The following SLITRK6 variants were observed in gnomAD, a reference collection of about 807,000 sequenced individuals.
SLITRK6 encodes SLIT and NTRK like family member 6.
In SLITRK6, 35 loss-of-function variants were observed where a neutral mutation model predicts 55.6. That is an observed-to-expected ratio of 0.63 (90% confidence interval 0.48 to 0.83). The LOEUF (loss-of-function observed/expected upper bound fraction) is 0.83, where lower values mean the gene tolerates loss of function less well. Among genes scored for constraint, SLITRK6 ranks in the 40% least tolerant of loss-of-function variants. The probability of loss-of-function intolerance (pLI) is 0.00; values close to 1 mark genes in which losing one functional copy is unlikely to be tolerated. For missense variants in SLITRK6, 977 were observed against 986.4 expected, an observed-to-expected ratio of 0.99 and a Z score of 0.13; for synonymous variants, 392 against 359.6, an observed-to-expected ratio of 1.09 and a Z score of -1.02.
At position 85,796,416 on chromosome 13, in the gene SLITRK6, A is replaced by C; in HGVS notation, c.93T>G (p.Cys31Trp). 6.2e-7 allele frequency: 1 copy of C among 1,612,238 alleles called. No individual in the cohort carries two copies. Among genetic ancestry groups the C allele is most frequent in the Non-Finnish European group, 8.5e-7 (1 of 1,179,070 alleles). ...TTTCCTCACAATTGCAAAGAGAATC[A>C]CAAGAGCCTCTGGATGAGAGCACTG... Reference protein sequence around the residue: ...QTPVLSSRGSCDSLCNCEEKD... With the variant: ...QTPVLSSRGSWDSLCNCEEKD... The change falls in exon 2 of 2, where the codon TGT becomes TGG. Residue 31 changes from cysteine (C) to tryptophan (W), a missense_variant. Cys to Trp is a radical substitution (Grantham distance 215). Transcript: ENST00000647374.
rs1157283594 is a variant in SLITRK6, at chr13:85,794,650, G to A, written c.1859C>T (p.Thr620Ile). The stretch of plus-strand genomic sequence containing the variant: ...TATCCCTGCAGCACAGAAAACAATA[G>A]TGATGAACATAATCAGAAGTCCCAA... ...LILGLLIMFI[T>I]IVFCAAGIVV... Residue 620 changes from threonine to isoleucine, a missense_variant, in exon 2 of 2, where the codon ACT (threonine) becomes ATT (isoleucine). Transcript: ENST00000647374. The A allele has an allele frequency of 1.9e-6, 3 of 1,613,198 alleles. No individual in the cohort carries two copies. The highest frequency in any genetic ancestry group is 2.5e-6 in the Non-Finnish European group (3 of 1,179,562).
rs1205534697 is a variant in SLITRK6 at position 85,796,469 on chromosome 13, C to A, written c.40G>T (p.Ala14Ser). The change falls in exon 2 of 2, where the codon GCC (alanine) becomes TCC (serine). Residue 14 changes from alanine (A) to serine (S), a missense_variant. Coordinates refer to ENST00000647374, the MANE Select transcript of SLITRK6 (RefSeq NM_032229.3). ...WIHLFYSSLL[A>S]CISLHSQTPV... Reference sequence around the variant, plus strand: ...GTTTGGGAGTGTAAAGATATACAGGCAAGGAGAGATGAATAAAAGAGATGA... The same window carrying A: ...GTTTGGGAGTGTAAAGATATACAGGAAAGGAGAGATGAATAAAAGAGATGA... 1 of 1,575,022 alleles carries A rather than the reference C, an allele frequency of 6.3e-7. No individual in the cohort carries two copies. The highest frequency in any genetic ancestry group is 8.6e-7 in the Non-Finnish European group (1 of 1,166,010).
chr13:85,794,755 G>T lies in SLITRK6; in HGVS notation c.1754C>A (p.Thr585Asn). ...MPTQTSYLMV[T>N]TPATTTNTAD... ...CGTATTTGTTGTTGTTGCAGGAGTG[G>T]TGACCATAAGGTAACTAGTCTGTGT... Residue 585 changes from threonine (T) to asparagine (N), a missense_variant, in exon 2 of 2, where the codon ACC becomes AAC. Physicochemically the swap from Thr to Asn is moderately conservative, Grantham distance 65 (BLOSUM62 0). Coordinates refer to ENST00000647374, the MANE Select transcript of SLITRK6 (RefSeq NM_032229.3). 6.2e-7 allele frequency: 1 copy of T among 1,613,224 alleles called. No homozygotes were observed. The highest frequency in any genetic ancestry group is 1.3e-5 in the African/African-American group (1 of 74,948).
chr13:85,797,523 G>A (rs35363918), intron 1 of SLITRK6, among the ~76,000 whole-genome samples: 1,928 of 151,796 alleles, frequency 0.013, 18 homozygotes, highest in Admixed American at 0.023. Flanking sequence ...TCCTAATGAG[G>A]TCTTGAAACA....
rs1472169685 is a variant in SLITRK6 at position 85,799,263 on chromosome 13, G to T, written c.-374C>A. The stretch of plus-strand genomic sequence containing the variant: ...GCTGCTGAATGCAGTAAGTAAACAA[G>T]ATGTTTAACAGAGCTGAGATTGATC... On this transcript the variant is annotated 5_prime_UTR_variant, in exon 1 of 2. Coordinates refer to ENST00000647374, the MANE Select transcript of SLITRK6 (RefSeq NM_032229.3). 1 of 152,022 alleles carries T rather than the reference G, an allele frequency of 6.6e-6. No individual in the cohort carries two copies. The highest frequency in any genetic ancestry group is 1.5e-5 in the Non-Finnish European group (1 of 68,018). 9.4% of individuals were successfully genotyped at this position (152,022 alleles called of 1,614,324 possible).
chr13:85,796,715 G>C (rs962139088), intron 1 of SLITRK6, among the ~76,000 whole-genome samples, 183 bp from the exon 2 acceptor site: 4 of 148,604 alleles, frequency 2.7e-5, no homozygotes, highest in Non-Finnish European at 5.9e-5. Flanking sequence ...TACTCAGACA[G>C]GCAAGTCTGG....
In SLITRK6 at chr13:85,793,207, CAAG is replaced by C. The variant is rs1217860642; in HGVS notation, c.*773_*775del. ...TCTCAGTAGCATTTTTAAAATATCC[CAAG>C]AAGAAGAATTAAACTTTGAGCATAA... On this transcript the variant is annotated 3_prime_UTR_variant, in exon 2 of 2. Transcript: ENST00000647374. 6.6e-5 allele frequency: 10 copies of C among 151,744 alleles called. No individual in the cohort carries two copies. The East Asian group carries it at 7.8e-4, about 12-fold the overall frequency. 9.4% of individuals were successfully genotyped at this position (151,744 alleles called of 1,614,324 possible). A position where few individuals can be genotyped will look rare whatever the true frequency, so the allele number is the denominator to read the frequency against.
At chr13:85,797,547 G>C (rs1036240409) in intron 1 of SLITRK6, among the ~76,000 whole-genome samples, 1 of 151,592 alleles carries the variant, frequency 6.6e-6, no homozygotes, top group Non-Finnish European at 1.5e-5. Context: ...TTTAGGGCAC[G>C]GAATGTCATC....
chr13:85,795,950 G>A lies in SLITRK6; in HGVS notation c.559C>T (p.His187Tyr). The stretch of plus-strand genomic sequence containing the variant: ...AATTGATTTCCACGAAGATCTAGAT[G>A]GGTTAAAGGAACAAATCGGAAGATG... The part of the protein sequence containing the change: ...PNIFRFVPLT[H>Y]LDLRGNQLQT... Residue 187 changes from histidine to tyrosine, a missense_variant, in exon 2 of 2, where the codon CAT (histidine) becomes TAT (tyrosine). Coordinates refer to ENST00000647374, the MANE Select transcript of SLITRK6 (RefSeq NM_032229.3). 1.9e-6 allele frequency: 3 copies of A among 1,612,902 alleles called. No homozygotes were observed. In the Admixed American group the frequency reaches 5.0e-5, roughly 27 times the overall value.
At position 85,796,137 on chromosome 13, in the gene SLITRK6, T is replaced by G. The variant is rs1427111651; in HGVS notation, c.372A>C (p.Leu124Phe). The change falls in exon 2 of 2, where the codon TTA becomes TTC. Residue 124 changes from leucine (L) to phenylalanine (F), a missense_variant. Leu to Phe is a conservative substitution (Grantham distance 22). Transcript: ENST00000647374. ...GGAAAGTATCCTCTTTAAGAATTTC[T>G]AAAGAATTGTGATTGATATGAAGTT... is the stretch of plus-strand genomic sequence containing the variant. ...LKQLHINHNS[L>F]EILKEDTFHG... 6.2e-7 allele frequency: 1 copy of G among 1,612,320 alleles called. No homozygotes were observed. Among genetic ancestry groups the G allele is most frequent in the Admixed American group, 1.7e-5 (1 of 59,692 alleles).
intron 1 of SLITRK6, among the ~76,000 whole-genome samples, chr13:85,797,942 T>C (rs1230835057): frequency 6.6e-6 from 1 of 151,908 alleles, no homozygotes; most frequent in Non-Finnish European, 1.5e-5. Context: ...GTTTGAAATA[T>C]GAACAGTAAC....
Position 85,794,266 on chromosome 13 carries a change from G to C in SLITRK6, c.2243C>G (p.Ser748Cys). Reference sequence around the variant, plus strand: ...GTACAATGAGCTGGCATCTTGGAAGGATAAAAATTCTGTTGATTGGTTCGT... The same window carrying C: ...GTACAATGAGCTGGCATCTTGGAAGCATAAAAATTCTGTTGATTGGTTCGT... ...KTTNQSTEFLSFQDASSLYRN... is the reference protein window; with the variant it reads ...KTTNQSTEFLCFQDASSLYRN... The change falls in exon 2 of 2, where the codon TCC becomes TGC. Residue 748 changes from serine (S) to cysteine (C), a missense_variant. Transcript: ENST00000647374. The C allele has an allele frequency of 6.2e-7, 1 of 1,613,364 alleles. No individual in the cohort carries two copies. Among genetic ancestry groups the C allele is most frequent in the Non-Finnish European group, 8.5e-7 (1 of 1,179,574 alleles).
chr13:85,793,864 A>G lies in SLITRK6; in HGVS notation c.*119T>C, dbSNP rs1874614823. The G allele has an allele frequency of 9.5e-6, 11 of 1,157,530 alleles. No individual in the cohort carries two copies. The highest frequency in any genetic ancestry group is 2.8e-5 in the Admixed American group (1 of 35,520). 71.7% of individuals were successfully genotyped at this position (1,157,530 alleles called of 1,614,324 possible). A position where few individuals can be genotyped will look rare whatever the true frequency, so the allele number is the denominator to read the frequency against. ...TTTTTCTTCTTCTTTTTTTTTCCCCATAGTTTACTGCTGTGCTTAGGTTCT... is the reference window on the plus strand; with the variant it reads ...TTTTTCTTCTTCTTTTTTTTTCCCCGTAGTTTACTGCTGTGCTTAGGTTCT... On this transcript the variant is annotated 3_prime_UTR_variant, in exon 2 of 2. Coordinates refer to ENST00000647374, the MANE Select transcript of SLITRK6 (RefSeq NM_032229.3).
intron 1 of SLITRK6, among the ~76,000 whole-genome samples, chr13:85,797,559 C>A (rs1393520537): frequency 6.6e-6 from 1 of 151,708 alleles, no homozygotes; most frequent in Non-Finnish European, 1.5e-5. Flanking sequence ...AATGTCATCA[C>A]ATAATTAAGC....
chr13:85,793,217 A>G lies in SLITRK6; in HGVS notation c.*766T>C, dbSNP rs989925886. 2.0e-5 allele frequency: 3 copies of G among 151,840 alleles called. No individual in the cohort carries two copies. Among genetic ancestry groups the G allele is most frequent in the African/African-American group, 7.2e-5 (3 of 41,418 alleles). 9.4% of individuals were successfully genotyped at this position (151,840 alleles called of 1,614,324 possible). A position where few individuals can be genotyped will look rare whatever the true frequency, so the allele number is the denominator to read the frequency against. ...ATTTTTAAAATATCCCAAGAAGAAG[A>G]ATTAAACTTTGAGCATAAATGACAT... On this transcript the variant is annotated 3_prime_UTR_variant, in exon 2 of 2. Coordinates refer to ENST00000647374, the MANE Select transcript of SLITRK6 (RefSeq NM_032229.3).
chr13:85,793,895 A>T lies in SLITRK6; in HGVS notation c.*88T>A. 7.0e-7 allele frequency: 1 copy of T among 1,435,034 alleles called. No homozygotes were observed. Among genetic ancestry groups the T allele is most frequent in the South Asian group, 1.5e-5 (1 of 68,234 alleles). The allele number at this position is 1,435,034 out of a possible 1,614,324, so 88.9% of individuals were successfully genotyped here. ...TACTGCTGTGCTTAGGTTCTGATTG[A>T]TGACACACTCACGTAAGGCACTTAT... On this transcript the variant is annotated 3_prime_UTR_variant, in exon 2 of 2. Transcript: ENST00000647374.
rs765011183 is a variant in SLITRK6, at chr13:85,795,267, T to C, written c.1242A>G (p.Gln414=). 1.4e-5 allele frequency: 22 copies of C among 1,612,784 alleles called. No homozygotes were observed. Among genetic ancestry groups the C allele is most frequent in the Non-Finnish European group, 1.6e-5 (19 of 1,179,362 alleles). Reference sequence around the variant, plus strand: ...GGTGGTTACCATTTAGATAGAGTTTTTGTAATCTCGTTAGGTTCATAAACG... The same window carrying C: ...GGTGGTTACCATTTAGATAGAGTTTCTGTAATCTCGTTAGGTTCATAAACG... ...EGSFMNLTRL[Q]KLYLNGNHLT... is the part of the protein sequence containing the mutation. Residue 414 remains glutamine, a synonymous_variant, in exon 2 of 2, where the codon CAA becomes CAG. Coordinates refer to ENST00000647374, the MANE Select transcript of SLITRK6 (RefSeq NM_032229.3).
In SLITRK6 at chr13:85,796,372, A is replaced by G; in HGVS notation, c.137T>C (p.Ile46Thr). 2 of 1,612,734 alleles carry G rather than the reference A, an allele frequency of 1.2e-6. No homozygotes were observed. Among genetic ancestry groups the G allele is most frequent in the Middle Eastern group, 1.7e-4 (1 of 6,050 alleles). ...CTTGATACCTTTTGCTTCACAATTTATTAGCATTGTGCCATCTTTTTCCTC... is the reference window on the plus strand; with the variant it reads ...CTTGATACCTTTTGCTTCACAATTTGTTAGCATTGTGCCATCTTTTTCCTC... ...NCEEKDGTML[I>T]NCEAKGIKMV... The change falls in exon 2 of 2, where the codon ATA becomes ACA. Residue 46 changes from isoleucine (I) to threonine (T), a missense_variant. Physicochemically the swap from Ile to Thr is moderately conservative, Grantham distance 89. Coordinates refer to ENST00000647374, the MANE Select transcript of SLITRK6 (RefSeq NM_032229.3).
In SLITRK6 at chr13:85,795,147, G is replaced by C; in HGVS notation, c.1362C>G (p.Thr454=). The change falls in exon 2 of 2, where the codon ACC becomes ACG. Residue 454 remains threonine (T), a synonymous_variant. Coordinates refer to ENST00000647374, the MANE Select transcript of SLITRK6 (RefSeq NM_032229.3). Reference sequence around the variant, plus strand: ...CTTTAAGTTTAGGCATTGGATTAAAGGTTCCTGGCAGTATTTCCTTAATGG... The same window carrying C: ...CTTTAAGTTTAGGCATTGGATTAAACGTTCCTGGCAGTATTTCCTTAATGG... ...YNAIKEILPG[T]FNPMPKLKVL... The C allele has an allele frequency of 6.2e-7, 1 of 1,612,918 alleles. No homozygotes were observed. Among genetic ancestry groups the C allele is most frequent in the South Asian group, 1.1e-5 (1 of 91,044 alleles).
Sources: allele counts gnomAD v4.1 joint callset (sites outside exome capture counted in the v4.1 genomes callset), GRCh38; gene constraint gnomAD v4.1.1; transcripts MANE v1.5; gene names NCBI Gene and HGNC (gene_info 2026-07-23, HGNC 2026-07-21).